Variants in TENM4 observed in about 807,000 individuals in gnomAD.
TENM4 encodes the protein teneurin-4.
TENM4 carries 82 observed loss-of-function variants against 243.3 expected under a neutral mutation model. That is an observed-to-expected ratio of 0.34 (90% CI 0.28 to 0.40). The LOEUF is 0.40. Ranked by LOEUF, TENM4 falls within the 10% of genes least tolerant of loss-of-function variation. The pLI is 1.00. For synonymous variants in TENM4, 1,412 were observed against 1,456.3 expected, an observed-to-expected ratio of 0.97 and a Z score of 0.69; for missense variants, 3,138 against 3,673.3, an observed-to-expected ratio of 0.85 and a Z score of 3.77.
intron 7 of TENM4, among the ~76,000 whole-genome samples, chr11:78,896,206 A>G (rs1159102206): frequency 2.6e-5 from 4 of 152,118 alleles, no homozygotes; most frequent in Non-Finnish European, 5.9e-5. Flanking sequence ...GACAGCCACA[A>G]TTGCCTCTGA....
chr11:78,785,390 G>A (rs1856914595), intron 16 of TENM4, among the ~76,000 whole-genome samples: 1 of 152,158 alleles, frequency 6.6e-6, no homozygotes, highest in African/African-American at 2.4e-5. Flanking sequence ...CAGCTGCCAC[G>A]ACAGGGCACA....
chr11:79,048,981 G>A (rs776422491), intron 6 of TENM4, among the ~76,000 whole-genome samples: 6 of 152,080 alleles, frequency 3.9e-5, no homozygotes, highest in African/African-American at 1.2e-4. Context: ...TTTCTTCTGC[G>A]GATTCTCTGG....
chr11:79,031,897 T>A (rs2136859022), intron 6 of TENM4, among the ~76,000 whole-genome samples: 1 of 152,292 alleles, frequency 6.6e-6, no homozygotes, highest in African/African-American at 2.4e-5. Context: ...GTTACTGGCA[T>A]CTAATGGGCC....
intron 15 of TENM4, 43 bp downstream of exon 15, chr11:78,805,249 A>G: frequency 1.2e-4 from 4 of 33,402 alleles, no homozygotes; most frequent in Non-Finnish European, 1.9e-4. Flanking sequence ...TCACAGTGGA[A>G]ATCCCCTCCC....
chr11:79,204,515 A>G (rs866103907), intron 3 of TENM4, among the ~76,000 whole-genome samples: 3 of 152,212 alleles, frequency 2.0e-5, no homozygotes, highest in African/African-American at 7.2e-5. Flanking sequence ...TTCATGGTAG[A>G]AGAAGCCAAG....
intron 1 of TENM4, among the ~76,000 whole-genome samples, chr11:79,334,518 C>T (rs1210618963): frequency 6.6e-6 from 1 of 152,230 alleles, no homozygotes; most frequent in Non-Finnish European, 1.5e-5. Flanking sequence ...GGCTGCCCAG[C>T]ACTGTCAGGG....
intron 16 of TENM4, among the ~76,000 whole-genome samples, chr11:78,782,481 C>G (rs148813831): frequency 1.3e-5 from 2 of 152,138 alleles, no homozygotes; most frequent in Non-Finnish European, 2.9e-5. Context: ...TCTGTGATCC[C>G]GGCTACTTGG....
intron 1 of TENM4, among the ~76,000 whole-genome samples, chr11:79,418,874 G>A (rs1291566972): frequency 6.6e-6 from 1 of 152,178 alleles, no homozygotes; most frequent in Non-Finnish European, 1.5e-5. Flanking sequence ...TACAGTGCCT[G>A]GAAATTGGAC....
intron 6 of TENM4, among the ~76,000 whole-genome samples, chr11:78,975,846 C>T (rs1024025983): frequency 6.6e-6 from 1 of 152,070 alleles, no homozygotes; most frequent in Non-Finnish European, 1.5e-5. Flanking sequence ...TGGGTACCTA[C>T]TATGTGTCCA....
intron 6 of TENM4, among the ~76,000 whole-genome samples, chr11:78,983,315 T>C (rs894648271): frequency 2.8e-4 from 42 of 151,922 alleles, no homozygotes; most frequent in African/African-American, 9.7e-4. Flanking sequence ...TACCAAAGAG[T>C]GGGTTGCCCA....
chr11:78,809,482 C>T (rs1857452700), intron 14 of TENM4, among the ~76,000 whole-genome samples: 1 of 152,162 alleles, frequency 6.6e-6, no homozygotes, highest in African/African-American at 2.4e-5. Context: ...GATGCTCTGC[C>T]AAAGAGGTGG....
intron 21 of TENM4, among the ~76,000 whole-genome samples, chr11:78,730,170 C>A (rs1855620243): frequency 6.6e-6 from 1 of 152,200 alleles, no homozygotes; most frequent in Non-Finnish European, 1.5e-5. Context: ...GGTAAAGTGC[C>A]TAGCACAGAA....
chr11:78,963,730 AC>A (rs1412343595), intron 6 of TENM4, among the ~76,000 whole-genome samples: 1 of 74,998 alleles, frequency 1.3e-5, no homozygotes, highest in Non-Finnish European at 2.4e-5. Flanking sequence ...AGGTTCCATG[AC>A]TTTTTTTTTT....
intron 2 of TENM4, among the ~76,000 whole-genome samples, chr11:79,259,258 A>C (rs1214824583): frequency 1.3e-5 from 2 of 152,186 alleles, no homozygotes; most frequent in African/African-American, 4.8e-5. Context: ...TACTGTTCAA[A>C]AGTAAACTAG....
chr11:78,879,113 T>G (rs956470277), intron 9 of TENM4, among the ~76,000 whole-genome samples: 3 of 148,484 alleles, frequency 2.0e-5, no homozygotes, highest in Non-Finnish European at 4.5e-5. Flanking sequence ...TGCCTCTGCC[T>G]GGCCACCCCA....
intron 2 of TENM4, among the ~76,000 whole-genome samples, chr11:79,252,328 G>A (rs991051605): frequency 1.3e-5 from 2 of 152,152 alleles, no homozygotes; most frequent in South Asian, 2.1e-4. Context: ...TCTGCCTCCC[G>A]CGTTCACGCC....
intron 19 of TENM4, among the ~76,000 whole-genome samples, chr11:78,746,376 C>T (rs192093334): frequency 6.6e-6 from 1 of 152,260 alleles, no homozygotes; most frequent in African/African-American, 2.4e-5. Flanking sequence ...AACCACTGTT[C>T]TGTGGCCTCC....
At chr11:78,985,555 A>T (rs1857897112) in intron 6 of TENM4, among the ~76,000 whole-genome samples, 1 of 152,144 alleles carries the variant, frequency 6.6e-6, no homozygotes, top group Non-Finnish European at 1.5e-5. Flanking sequence ...TGTTTACCAG[A>T]TATTATAATA....
intron 3 of TENM4, among the ~76,000 whole-genome samples, chr11:79,201,545 AAC>A (rs1375168845): frequency 6.6e-6 from 1 of 152,238 alleles, no homozygotes; most frequent in Non-Finnish European, 1.5e-5. Flanking sequence ...TTACTCAAAT[AAC>A]ACACATTTAT....
Sources: gnomAD v4.1 joint callset for allele counts (sites outside exome capture counted in the v4.1 genomes callset) on GRCh38, gnomAD v4.1.1 for gene constraint, MANE v1.5 for transcripts, NCBI Gene and HGNC (gene_info 2026-07-23, HGNC 2026-07-21) for gene names.